Variants in SLC7A9 observed in about 807,000 individuals in gnomAD.
The protein encoded by SLC7A9 is solute carrier family 7 member 9, also known as B(0,+)-type amino acid transporter 1.
A neutral mutation model predicts 54.1 loss-of-function variants in SLC7A9; 38 were observed. The ratio of observed to expected loss-of-function variants is 0.70; its 90% confidence interval spans 0.54 to 0.92. The LOEUF is 0.92. SLC7A9 is among the 40% of genes least tolerant of loss of function. The probability of loss-of-function intolerance (pLI) is 0.00; values close to 1 mark genes in which losing one functional copy is unlikely to be tolerated. For synonymous variants in SLC7A9, 264 were observed against 258.9 expected (o/e 1.02, Z -0.19); for missense variants, 537 against 636.1 (o/e 0.84, Z 1.68).
chr19:32,866,066 A>G (rs1223619040), intron 2 of SLC7A9, among the ~76,000 whole-genome samples: 1 of 152,160 alleles, frequency 6.6e-6, no homozygotes, highest in Admixed American at 6.5e-5. Context: ...CGTCCTCAGA[A>G]GCAGCCCCGG....
chr19:32,858,683 G>T, intron 8 of SLC7A9, 140 bp from the exon 9 acceptor site: 1 of 679,722 alleles, frequency 1.5e-6, no homozygotes, highest in Non-Finnish European at 2.7e-6. Flanking sequence ...CTCCACTGCA[G>T]AGGAGAGAGG....
intron 11 of SLC7A9, among the ~76,000 whole-genome samples, chr19:32,841,491 C>T (rs1212627001): frequency 6.6e-6 from 1 of 151,834 alleles, no homozygotes; most frequent in African/African-American, 2.4e-5. Flanking sequence ...TTTGGGAAGC[C>T]AAGGTGGGAG....
At chr19:32,853,072 G>A (rs933958383) in intron 9 of SLC7A9, among the ~76,000 whole-genome samples, 1 of 151,860 alleles carries the variant, frequency 6.6e-6, no homozygotes, top group African/African-American at 2.4e-5. Context: ...CACCACGTCC[G>A]GCTAATTTTT....
chr19:32,835,702 ATTAG>A (rs1967936361), intron 11 of SLC7A9, among the ~76,000 whole-genome samples: 1 of 151,966 alleles, frequency 6.6e-6, no homozygotes, highest in Non-Finnish European at 1.5e-5. Context: ...TTTTCTGCTT[ATTAG>A]TTCCTTCTGT....
chr19:32,831,930 A>G (rs908371975), intron 12 of SLC7A9, among the ~76,000 whole-genome samples: 1 of 152,200 alleles, frequency 6.6e-6, no homozygotes, highest in South Asian at 2.1e-4. Flanking sequence ...TGAACTTTAC[A>G]CTGACAAGTG....
At chr19:32,838,912 AATT>A (rs1157226491) in intron 11 of SLC7A9, among the ~76,000 whole-genome samples, 5 of 151,506 alleles carry the variant, frequency 3.3e-5, no homozygotes, top group South Asian at 2.1e-4. Context: ...TAAAGATATG[AATT>A]ATATTATTAA....
intron 2 of SLC7A9, among the ~76,000 whole-genome samples, chr19:32,867,701 T>C (rs1969012087): frequency 6.6e-6 from 1 of 151,944 alleles, no homozygotes; most frequent in Non-Finnish European, 1.5e-5. Context: ...TCCCAACACT[T>C]TGGGAGGCCG....
intron 9 of SLC7A9, among the ~76,000 whole-genome samples, chr19:32,844,904 C>T (rs1357297695): frequency 7.6e-6 from 1 of 131,928 alleles, no homozygotes; most frequent in Non-Finnish European, 1.6e-5. Flanking sequence ...ATGGCTTACA[C>T]CTGTAATCCC....
intron 11 of SLC7A9, among the ~76,000 whole-genome samples, chr19:32,841,257 T>C (rs1209839104): frequency 6.6e-6 from 1 of 152,212 alleles, no homozygotes; most frequent in Admixed American, 6.5e-5. Flanking sequence ...AGCAGGTTTT[T>C]TTTAAAGCCC....
chr19:32,869,032 A>G (rs1410160379), intron 1 of SLC7A9, among the ~76,000 whole-genome samples: 1 of 143,600 alleles, frequency 7.0e-6, no homozygotes, highest in African/African-American at 2.6e-5. Context: ...AACATGGCGA[A>G]CCCCGTCTCT....
intron 11 of SLC7A9, among the ~76,000 whole-genome samples, chr19:32,840,049 T>C (rs1195617833): frequency 1.3e-5 from 2 of 152,146 alleles, no homozygotes; most frequent in African/African-American, 4.8e-5. Context: ...TTCCCCACCT[T>C]CCCCACCCCT....
chr19:32,839,849 T>TA (rs1332813277), intron 11 of SLC7A9, among the ~76,000 whole-genome samples: 2 of 152,206 alleles, frequency 1.3e-5, no homozygotes, highest in Non-Finnish European at 2.9e-5. Context: ...TCTGTAATTT[T>TA]ATCAGCATAT....
At chr19:32,849,316 CAAAT>C (rs1377209504) in intron 9 of SLC7A9, among the ~76,000 whole-genome samples, 2 of 152,250 alleles carry the variant, frequency 1.3e-5, no homozygotes, top group East Asian at 3.9e-4. Context: ...AGATAAGAAT[CAAAT>C]AGACACAATA....
At chr19:32,850,278 T>A (rs12981632) in intron 9 of SLC7A9, among the ~76,000 whole-genome samples, 76,532 of 137,356 alleles carry the variant, frequency 0.56, 22,157 homozygotes, top group East Asian at 0.82. Flanking sequence ...TATATCTAGA[T>A]AACCCCATTG....
intron 2 of SLC7A9, among the ~76,000 whole-genome samples, chr19:32,867,544 A>G (rs970231025): frequency 1.3e-5 from 2 of 151,820 alleles, no homozygotes; most frequent in African/African-American, 2.4e-5. Flanking sequence ...AAATTTTTAA[A>G]AAGAACGCCC....
At chr19:32,847,199 G>A (rs143623013) in intron 9 of SLC7A9, among the ~76,000 whole-genome samples, 2,763 of 152,312 alleles carry the variant, frequency 0.018, 46 homozygotes, top group Non-Finnish European at 0.027. Context: ...TGACTTTGAC[G>A]AGTTGAGAGA....
chr19:32,855,966 A>G (rs1419874379), intron 9 of SLC7A9, among the ~76,000 whole-genome samples: 2 of 152,158 alleles, frequency 1.3e-5, no homozygotes, highest in South Asian at 2.1e-4. Context: ...CAGCCCAGAT[A>G]GTTGTAATCA....
chr19:32,842,213 G>T lies in SLC7A9; in HGVS notation c.1179C>A (p.Leu393=). The change falls in exon 11 of 13, where the codon CTC becomes CTA. Residue 393 remains leucine (L), a synonymous_variant. Transcript: ENST00000023064. ...CTTTCCTTGTAAATCTCATCACGAT[G>T]AGTCCTAGAATCGTCAGGCCATAAA... ...WLFYGLTILG[L]IVMRFTRKEL... 1 of 1,614,160 alleles carries T rather than the reference G, an allele frequency of 6.2e-7. No homozygotes were observed. The highest frequency in any genetic ancestry group is 1.1e-5 in the South Asian group (1 of 91,082).
rs1471770554 is a variant in SLC7A9 at position 32,864,737 on chromosome 19, T to C, written c.127A>G (p.Ile43Val). ...GAAACGAAGATCCCAGAGCCAATGA[T>C]GGTGCCCACGATGATGGAGATGCCA... ...ISGISIIVGT[I>V]IGSGIFVSPK... is the part of the protein sequence containing the mutation. Residue 43 changes from isoleucine (I) to valine (V), a missense_variant, in exon 3 of 13, where the codon ATC (isoleucine) becomes GTC (valine). Physicochemically the swap from Ile to Val is conservative, Grantham distance 29. Transcript: ENST00000023064. 6.2e-7 allele frequency: 1 copy of C among 1,614,170 alleles called. No individual in the cohort carries two copies. Among genetic ancestry groups the C allele is most frequent in the Admixed American group, 1.7e-5 (1 of 60,010 alleles).
Sources: allele counts gnomAD v4.1 joint callset (sites outside exome capture counted in the v4.1 genomes callset), GRCh38; gene constraint gnomAD v4.1.1; transcripts MANE v1.5; gene names NCBI Gene and HGNC (gene_info 2026-07-23, HGNC 2026-07-21).